Variants in CDK12 observed in about 807,000 individuals in gnomAD.
CDK12 encodes cyclin-dependent kinase 12.
Under a neutral mutation model 133.8 loss-of-function variants are expected in CDK12, and 17 were observed. The ratio of observed to expected loss-of-function variants is 0.13; its 90% CI spans 0.09 to 0.19. The LOEUF (loss-of-function observed/expected upper bound fraction) is 0.19, where lower values mean the gene tolerates loss of function less well. Among genes scored for constraint, CDK12 ranks in the 10% least tolerant of loss-of-function variants. The probability of loss-of-function intolerance (pLI) is 1.00; values close to 1 mark genes in which losing one functional copy is unlikely to be tolerated. For synonymous variants in CDK12, 694 were observed against 683.6 expected, an observed-to-expected ratio of 1.02 and a Z score of -0.24; for missense variants, 1,508 against 1,818.7, an observed-to-expected ratio of 0.83 and a Z score of 3.11.
chr17:39,560,684 T>C (rs2056340547), intron 3 of CDK12, among the ~76,000 whole-genome samples: 1 of 152,142 alleles, frequency 6.6e-6, no homozygotes, highest in South Asian at 2.1e-4. Context: ...CCTGGGTCAC[T>C]CAGGTCCTCA....
intron 12 of CDK12, among the ~76,000 whole-genome samples, chr17:39,525,107 T>C (rs953780679): frequency 1.3e-5 from 2 of 152,238 alleles, no homozygotes; most frequent in African/African-American, 4.8e-5. Flanking sequence ...TCCTGAAATA[T>C]GTACGGAACA....
chr17:39,511,750 T>C, intron 8 of CDK12, 120 bp downstream of exon 8: 1 of 488,288 alleles, frequency 2.0e-6, no homozygotes, highest in African/African-American at 2.0e-5. Context: ...GGCGATAAAC[T>C]TTTGGCCAGA....
chr17:39,519,044 G>T (rs1325959333), intron 10 of CDK12, among the ~76,000 whole-genome samples: 5 of 150,086 alleles, frequency 3.3e-5, no homozygotes, highest in African/African-American at 1.2e-4. Context: ...AAGGATTACT[G>T]GCACGTGCCA....
At position 39,462,022 on chromosome 17, in the gene CDK12, T is replaced by C. The variant is rs2048993532; in HGVS notation, c.-50T>C. On this transcript the variant is annotated 5_prime_UTR_variant, in exon 1 of 14. Coordinates refer to ENST00000447079, the MANE Select transcript of CDK12 (RefSeq NM_016507.4). ...TTGGGGGGGTGGGTGGGGGTTGCTTTTTGGAGTGCTGGGGAACTTTTTTCC... is the reference window on the plus strand; with the variant it reads ...TTGGGGGGGTGGGTGGGGGTTGCTTCTTGGAGTGCTGGGGAACTTTTTTCC... 1.3e-6 allele frequency: 2 copies of C among 1,517,044 alleles called. No individual in the cohort carries two copies. The highest frequency in any genetic ancestry group is 1.8e-6 in the Non-Finnish European group (2 of 1,110,520). 94.0% of individuals were successfully genotyped at this position (1,517,044 alleles called of 1,614,324 possible). A position where few individuals can be genotyped will look rare whatever the true frequency, so the allele number is the denominator to read the frequency against.
rs573402553 is a variant in CDK12 at position 39,510,050 on chromosome 17, C to T, written c.2666+289C>T. Reference sequence around the variant, plus strand: ...CTCCTGGGCTCAAGCTGTCTACCTGCCTCAGCCTCCCAAAGTGCCGGGATT... The same window carrying T: ...CTCCTGGGCTCAAGCTGTCTACCTGTCTCAGCCTCCCAAAGTGCCGGGATT... On this transcript the variant is annotated intron_variant, in intron 7 of 13. Transcript: ENST00000447079. 2.2e-3 allele frequency among the ~76,000 whole-genome samples: 337 copies of T among 151,726 alleles called. 2 individuals are homozygous for T. Among genetic ancestry groups the T allele is most frequent in the African/African-American group, 7.7e-3 (318 of 41,298 alleles).
chr17:39,544,464 CT>C (rs550457490), upstream of CDK12: 569 of 200,396 alleles, frequency 2.8e-3, 1 homozygote, highest in Non-Finnish European at 3.8e-3. Flanking sequence ...AAGTTTCTTT[CT>C]TTTTTTTTTC....
chr17:39,559,835 T>G (rs1232374432), intron 3 of CDK12, among the ~76,000 whole-genome samples: 2 of 121,266 alleles, frequency 1.6e-5, no homozygotes, highest in Non-Finnish European at 3.2e-5. Context: ...CAAGACCCCA[T>G]CTCATAAAAA....
rs2054883789 is a variant in CDK12 at position 39,532,102 on chromosome 17, T to TCTCTCTCTC, written c.*786_*787insCTCTCTCTC. The TCTCTCTCTC allele has an allele frequency of 3.2e-5, 7 of 218,548 alleles. No homozygotes were observed. The highest frequency in any genetic ancestry group is 1.8e-4 in the African/African-American group (7 of 38,434). The allele number at this position is 218,548 out of a possible 1,614,324, so 13.5% of individuals were successfully genotyped here. Reference sequence around the variant, plus strand: ...GCTGATGTGTGCTCTCTCTCTCTCTTTCTCTCTCTCTCTCTCTCTCTCTCT... The same window carrying TCTCTCTCTC: ...GCTGATGTGTGCTCTCTCTCTCTCTTCTCTCTCTCTCTCTCTCTCTCTCTCTCTCTCTCT... On this transcript the variant is annotated 3_prime_UTR_variant, in exon 14 of 14. Transcript: ENST00000447079.
intron 6 of CDK12, among the ~76,000 whole-genome samples, chr17:39,503,654 C>T (rs190133355): frequency 1.3e-5 from 2 of 152,226 alleles, no homozygotes; most frequent in East Asian, 3.9e-4. Context: ...TGATGAGGTT[C>T]CAGACTAAAT....
upstream of CDK12, chr17:39,544,271 C>T (rs2055563292): frequency 2.1e-6 from 1 of 487,758 alleles, no homozygotes; most frequent in South Asian, 1.5e-5. Context: ...GTGGGAATGC[C>T]CTCTGAGGAA....
At chr17:39,522,781 G>C (rs192041299) in intron 11 of CDK12, among the ~76,000 whole-genome samples, 63 of 152,176 alleles carry the variant, frequency 4.1e-4, no homozygotes, top group African/African-American at 1.4e-3. Flanking sequence ...GGTCGAGCGC[G>C]GTCGCTCACA....
At position 39,462,771 on chromosome 17, in the gene CDK12, G is replaced by A. The variant is rs2144895081; in HGVS notation, c.700G>A (p.Asp234Asn). 6.2e-7 allele frequency: 1 copy of A among 1,614,186 alleles called. No homozygotes were observed. The highest frequency in any genetic ancestry group is 8.5e-7 in the Non-Finnish European group (1 of 1,180,034). The change falls in exon 1 of 14, where the codon GAT becomes AAT. Residue 234 changes from aspartate to asparagine, a missense_variant. Coordinates refer to ENST00000447079, the MANE Select transcript of CDK12 (RefSeq NM_016507.4). The part of the protein sequence containing the change: ...HRKWSDSSKQ[D>N]DSPSGASYGQ... ...GAAGTGGTCTGACAGCTCCAAACAA[G>A]ATGATAGCCCCTCGGGAGCTTCTTA... is the stretch of plus-strand genomic sequence containing the variant.
chr17:39,555,088 A>G (rs1424577594), intron 2 of CDK12, among the ~76,000 whole-genome samples: 1 of 151,152 alleles, frequency 6.6e-6, no homozygotes, highest in Non-Finnish European at 1.5e-5. Flanking sequence ...TATTAAAAAT[A>G]CAAAAAATTA....
downstream of CDK12, among the ~76,000 whole-genome samples, chr17:39,536,340 T>C (rs1303169602): frequency 6.6e-6 from 1 of 152,168 alleles, no homozygotes; most frequent in Admixed American, 6.5e-5. Context: ...AGAAGACAAA[T>C]GTCTATCTGG....
At chr17:39,470,411 G>A (rs1381502239) in intron 1 of CDK12, among the ~76,000 whole-genome samples, 3 of 152,126 alleles carry the variant, frequency 2.0e-5, no homozygotes, top group Admixed American at 6.6e-5. Context: ...GTGAGCTACC[G>A]TGCCCAGCCA....
At chr17:39,524,616 C>T in intron 11 of CDK12, 58 bp from the exon 12 acceptor site, 1 of 1,392,696 alleles carries the variant, frequency 7.2e-7, no homozygotes, top group East Asian at 2.3e-5. Flanking sequence ...CTTTGCTCCT[C>T]CATTCATTCA....
intron 2 of CDK12, among the ~76,000 whole-genome samples, chr17:39,481,329 C>CT (rs569177170): frequency 0.053 from 7,127 of 135,500 alleles, 206 homozygotes; most frequent in Non-Finnish European, 0.068. Context: ...TCTTCTTTCT[C>CT]TTTTTTTTTT....
chr17:39,563,114 G>A (rs1450143949), intron 3 of CDK12, among the ~76,000 whole-genome samples: 3 of 151,742 alleles, frequency 2.0e-5, no homozygotes, highest in Non-Finnish European at 2.9e-5. Context: ...TGAACATTGC[G>A]GTAATAACCA....
Position 39,519,940 on chromosome 17 carries a change from G to A in CDK12, c.2964-16G>A, listed in dbSNP as rs775314698. On this transcript the variant is annotated splice_polypyrimidine_tract_variant and intron_variant, in intron 10 of 13. Transcript: ENST00000447079. Reference sequence around the variant, plus strand: ...GGGTCATTGTGAACTTGTCCTTTCTGTGTTCTTTTCCATAGCATTCCTTCT... The same window carrying A: ...GGGTCATTGTGAACTTGTCCTTTCTATGTTCTTTTCCATAGCATTCCTTCT... The A allele has an allele frequency of 2.5e-6, 4 of 1,613,428 alleles. No homozygotes were observed. Among genetic ancestry groups the A allele is most frequent in the Non-Finnish European group, 3.4e-6 (4 of 1,179,644 alleles).
Sources: allele counts gnomAD v4.1 joint callset (sites outside exome capture counted in the v4.1 genomes callset), GRCh38; gene constraint gnomAD v4.1.1; transcripts MANE v1.5; gene names NCBI Gene and HGNC (gene_info 2026-07-23, HGNC 2026-07-21).